Variants in CARMIL1 observed in about 807,000 individuals in gnomAD.
CARMIL1 encodes F-actin-uncapping protein LRRC16A.
A neutral mutation model predicts 177.1 loss-of-function variants in CARMIL1; 90 were observed. The ratio of observed to expected loss-of-function variants is 0.51; its 90% CI spans 0.43 to 0.61. The LOEUF is 0.61. Ranked by LOEUF, CARMIL1 falls within the 20% of genes least tolerant of loss-of-function variation. The pLI is 0.00. For synonymous variants in CARMIL1, 577 were observed against 606.2 expected (o/e 0.95, Z 0.71); for missense variants, 1,380 against 1,667.0 (o/e 0.83, Z 3.00).
chr6:25,307,498 G>T (rs540853821), intron 2 of CARMIL1, among the ~76,000 whole-genome samples: 2 of 152,262 alleles, frequency 1.3e-5, no homozygotes, highest in Admixed American at 1.3e-4. Flanking sequence ...ATATTCTAAA[G>T]TATTATTTTT....
intron 11 of CARMIL1, among the ~76,000 whole-genome samples, chr6:25,474,477 T>C (rs1434138231): frequency 6.6e-6 from 1 of 152,170 alleles, no homozygotes; most frequent in African/African-American, 2.4e-5. Flanking sequence ...CTTTTTGTCC[T>C]TAATATGGTT....
At chr6:25,294,842 C>G (rs1178908872) in intron 2 of CARMIL1, among the ~76,000 whole-genome samples, 1 of 152,152 alleles carries the variant, frequency 6.6e-6, no homozygotes, top group African/African-American at 2.4e-5. Context: ...GTTTGGGGAT[C>G]ACACATGCTT....
chr6:25,332,620 T>C (rs929574476), intron 2 of CARMIL1, among the ~76,000 whole-genome samples: 2 of 152,040 alleles, frequency 1.3e-5, no homozygotes, highest in African/African-American at 4.8e-5. Context: ...CTGAAAACAT[T>C]TGGGAAATGT....
intron 2 of CARMIL1, among the ~76,000 whole-genome samples, chr6:25,371,508 C>G (rs367979407): frequency 2.6e-5 from 4 of 152,212 alleles, no homozygotes; most frequent in East Asian, 1.9e-4. Context: ...CCCTGATGAT[C>G]AGTGATGTTG....
intron 2 of CARMIL1, among the ~76,000 whole-genome samples, chr6:25,324,652 A>G (rs1163186719): frequency 6.6e-6 from 1 of 152,216 alleles, no homozygotes; most frequent in Non-Finnish European, 1.5e-5. Flanking sequence ...GAGTAAAGCA[A>G]CAAGCAAAGC....
chr6:25,496,202 G>A (rs557032913), intron 16 of CARMIL1, among the ~76,000 whole-genome samples: 1 of 152,258 alleles, frequency 6.6e-6, no homozygotes, highest in African/African-American at 2.4e-5. Flanking sequence ...TCCAGGCTGG[G>A]TGCGGTGGCT....
chr6:25,495,859 C>T (rs1185538682), intron 16 of CARMIL1, among the ~76,000 whole-genome samples: 1 of 151,996 alleles, frequency 6.6e-6, no homozygotes. Context: ...GTTTAGTGTA[C>T]AAGTTCAGTG....
intron 11 of CARMIL1, among the ~76,000 whole-genome samples, chr6:25,480,165 T>A (rs545374218): frequency 4.6e-5 from 7 of 152,276 alleles, no homozygotes; most frequent in African/African-American, 1.7e-4. Flanking sequence ...GCATTTTAAA[T>A]ATATCAGTTA....
chr6:25,408,069 A>C (rs965001722), intron 2 of CARMIL1, among the ~76,000 whole-genome samples: 1 of 152,018 alleles, frequency 6.6e-6, no homozygotes, highest in Non-Finnish European at 1.5e-5. Context: ...CCCAGGTGGG[A>C]GGATCACTTG....
intron 2 of CARMIL1, among the ~76,000 whole-genome samples, chr6:25,359,966 T>C (rs1324052542): frequency 6.6e-6 from 1 of 152,222 alleles, no homozygotes; most frequent in Non-Finnish European, 1.5e-5. Flanking sequence ...GACTAAATGA[T>C]GTTAGGCATG....
intron 8 of CARMIL1, among the ~76,000 whole-genome samples, chr6:25,459,272 T>TCTTTCTTTCTTTCTTTCTTTCTTTCTTTC (rs1477339182): frequency 3.0e-5 from 4 of 134,978 alleles, no homozygotes; most frequent in Non-Finnish European, 4.8e-5. Context: ...CTTTCTTTTT[T>TCTTTCTTTCTTTCTTTCTTTCTTTCTTTC]TTTTTTTTAA....
chr6:25,427,926 A>T (rs1796417972), intron 4 of CARMIL1, among the ~76,000 whole-genome samples: 1 of 152,302 alleles, frequency 6.6e-6, no homozygotes, highest in South Asian at 2.1e-4. Flanking sequence ...TACATTCTGG[A>T]TACAAAGCCT....
In CARMIL1 at chr6:25,338,121, G is replaced by T. The variant is rs1786470673; in HGVS notation, c.138+53212G>T. Reference sequence around the variant, plus strand: ...AAAATACAAAAATTAGCCAGGCGTGGTGGCGCATGCCTATAATCCCAGCTA... The same window carrying T: ...AAAATACAAAAATTAGCCAGGCGTGTTGGCGCATGCCTATAATCCCAGCTA... On this transcript the variant is annotated intron_variant, in intron 2 of 36. Coordinates refer to ENST00000329474, the MANE Select transcript of CARMIL1 (RefSeq NM_017640.6). Among the ~76,000 whole-genome samples, 3 of 152,098 alleles carry T rather than the reference G, an allele frequency of 2.0e-5. No individual in the cohort carries two copies. In the South Asian group the frequency reaches 6.2e-4, roughly 32 times the overall value.
At chr6:25,426,473 T>G (rs1283089050) in intron 3 of CARMIL1, 28 bp from the exon 4 acceptor site, 24 of 1,599,498 alleles carry the variant, frequency 1.5e-5, no homozygotes, top group Non-Finnish European at 2.1e-5. Context: ...TGCAGGTCTT[T>G]TCTTTCCTCC....
At chr6:25,385,411 G>T (rs1324612647) in intron 2 of CARMIL1, among the ~76,000 whole-genome samples, 1 of 152,216 alleles carries the variant, frequency 6.6e-6, no homozygotes, top group Non-Finnish European at 1.5e-5. Context: ...TCTGTGCAAT[G>T]TGGTTTTCAG....
rs529323919 is a variant in CARMIL1, at chr6:25,580,742, T to A, written c.2743-182T>A. ...GGATGAAACAAAGAGGTTAGCTGTA[T>A]CATTTGAGAAATTGTAAACATTTAG... On this transcript the variant is annotated intron_variant, in intron 29 of 36. Transcript: ENST00000329474. Among the ~76,000 whole-genome samples the A allele has an allele frequency of 1.2e-4, 18 of 152,342 alleles. 1 individual carries two copies. In the South Asian group the frequency reaches 3.7e-3, roughly 32 times the overall value.
In CARMIL1 at chr6:25,334,489, C is replaced by T. The variant is rs1325013808; in HGVS notation, c.138+49580C>T. 1.3e-5 allele frequency among the ~76,000 whole-genome samples: 2 copies of T among 152,168 alleles called. 1 individual carries two copies. ...CATCTCAATCAAATGGGGGAATTTG[C>T]AGTTATCAGCTTAACTAATCTCCAT... is the stretch of plus-strand genomic sequence containing the variant. On this transcript the variant is annotated intron_variant, in intron 2 of 36. Transcript: ENST00000329474.
At chr6:25,289,461 A>T (rs554793190) in intron 2 of CARMIL1, among the ~76,000 whole-genome samples, 2 of 152,196 alleles carry the variant, frequency 1.3e-5, no homozygotes, top group Non-Finnish European at 2.9e-5. Flanking sequence ...AGGTTATCTT[A>T]TGCCCTTTAT....
intron 2 of CARMIL1, among the ~76,000 whole-genome samples, chr6:25,302,636 C>G (rs1782952005): frequency 6.6e-6 from 1 of 152,202 alleles, no homozygotes; most frequent in African/African-American, 2.4e-5. Flanking sequence ...GGGGCCCAGC[C>G]AGTCTCTTTA....
Sources: gnomAD v4.1 joint callset for allele counts (sites outside exome capture counted in the v4.1 genomes callset) on GRCh38, gnomAD v4.1.1 for gene constraint, MANE v1.5 for transcripts, NCBI Gene and HGNC (gene_info 2026-07-23, HGNC 2026-07-21) for gene names.